CYSTM1: variants seen among roughly 807,000 people sequenced by gnomAD.
The protein encoded by CYSTM1 is cysteine rich transmembrane module containing 1, also known as cysteine-rich transmembrane module-containing protein 1.
A neutral mutation model predicts 13.1 loss-of-function variants in CYSTM1; 4 were observed. The ratio of observed to expected loss-of-function variants is 0.31; its 90% CI spans 0.15 to 0.70. The LOEUF is 0.70. CYSTM1 is among the 30% of genes least tolerant of loss of function. The probability of loss-of-function intolerance (pLI) is 0.72; values close to 1 mark genes in which losing one functional copy is unlikely to be tolerated. For missense variants in CYSTM1, 96 were observed against 121.6 expected (o/e 0.79, Z 0.99); for synonymous variants, 36 against 42.7 (o/e 0.84, Z 0.62).
At chr5:140,214,927 TC>T (rs1324164651) in intron 2 of CYSTM1, among the ~76,000 whole-genome samples, 2 of 152,180 alleles carry the variant, frequency 1.3e-5, no homozygotes, top group African/African-American at 2.4e-5. Context: ...GATATATTCT[TC>T]CCAGTAGTAA....
chr5:140,222,992 A>G (rs1764508997), intron 2 of CYSTM1, among the ~76,000 whole-genome samples: 1 of 152,190 alleles, frequency 6.6e-6, no homozygotes, highest in Non-Finnish European at 1.5e-5. Flanking sequence ...CCTGGCCTGT[A>G]GTCTGCCTTT....
intron 2 of CYSTM1, among the ~76,000 whole-genome samples, chr5:140,233,049 A>G (rs1265801728): frequency 6.6e-6 from 1 of 152,182 alleles, no homozygotes; most frequent in African/African-American, 2.4e-5. Context: ...AGATTTTGCT[A>G]ATATACATCT....
chr5:140,225,826 G>A (rs991308931), intron 2 of CYSTM1, among the ~76,000 whole-genome samples: 2 of 152,074 alleles, frequency 1.3e-5, no homozygotes, highest in Non-Finnish European at 2.9e-5. Flanking sequence ...GCTCTGTTCT[G>A]CTCTTCCTCT....
chr5:140,210,957 G>C (rs951469189), intron 2 of CYSTM1, among the ~76,000 whole-genome samples: 3 of 152,158 alleles, frequency 2.0e-5, no homozygotes, highest in Non-Finnish European at 4.4e-5. Flanking sequence ...GAACTATAAA[G>C]AACTCTCTCC....
chr5:140,210,073 T>C (rs1041249084), intron 2 of CYSTM1, among the ~76,000 whole-genome samples: 1 of 152,198 alleles, frequency 6.6e-6, no homozygotes, highest in Non-Finnish European at 1.5e-5. Context: ...GTAATAATGC[T>C]CATAAAAATT....
rs1467115687 is a variant in CYSTM1, at chr5:140,219,045, G to C, written c.188-24260G>C. On this transcript the variant is annotated intron_variant, in intron 2 of 2. Transcript: ENST00000261811. This position sits in a 1 kb window ranked among gnomAD's most constrained non-coding sequence, Gnocchi z 4.1. ...CTGGCTTCAGTGACAAGCTGGCCAA[G>C]CCTGATAGAGTTCACCATGGAAGGG... 2.0e-5 allele frequency among the ~76,000 whole-genome samples: 3 copies of C among 152,166 alleles called. No individual in the cohort carries two copies. The highest frequency in any genetic ancestry group is 7.2e-5 in the African/African-American group (3 of 41,438).
intron 2 of CYSTM1, chr5:140,200,767 G>C (rs1459087518): frequency 6.6e-6 from 1 of 152,098 alleles, no homozygotes; most frequent in Non-Finnish European, 1.5e-5. Context: ...CACCGTGTTA[G>C]CCAGGATGGT....
chr5:140,196,387 TAAC>T (rs1297548082), intron 2 of CYSTM1, among the ~76,000 whole-genome samples: 9 of 152,234 alleles, frequency 5.9e-5, no homozygotes, highest in Non-Finnish European at 1.0e-4. Flanking sequence ...TCAAAAGTAA[TAAC>T]AGAATTGATG....
chr5:140,205,388 A>G (rs1764287438), intron 2 of CYSTM1, among the ~76,000 whole-genome samples: 1 of 152,170 alleles, frequency 6.6e-6, no homozygotes, highest in Admixed American at 6.5e-5. Flanking sequence ...CTAAGTATGG[A>G]ATTACTGCCT....
chr5:140,188,793 A>AAAG (rs1554131965), intron 1 of CYSTM1, among the ~76,000 whole-genome samples: 1 of 152,012 alleles, frequency 6.6e-6, no homozygotes, highest in East Asian at 1.9e-4. Flanking sequence ...AAAAAAAAAA[A>AAAG]AAAGAAATAC....
intron 1 of CYSTM1, among the ~76,000 whole-genome samples, chr5:140,178,933 GT>G: frequency 6.6e-6 from 1 of 151,880 alleles, no homozygotes; most frequent in South Asian, 2.1e-4. Context: ...GTTTGGCTTT[GT>G]TTTTTCCTGG....
chr5:140,214,188 T>A (rs1023378083), intron 2 of CYSTM1, among the ~76,000 whole-genome samples: 17 of 152,216 alleles, frequency 1.1e-4, no homozygotes, highest in South Asian at 1.0e-3. Flanking sequence ...AATGATGGTC[T>A]CCCTAATGAC....
At chr5:140,242,076 G>A (rs1764756475) in intron 2 of CYSTM1, among the ~76,000 whole-genome samples, 1 of 152,180 alleles carries the variant, frequency 6.6e-6, no homozygotes, top group Non-Finnish European at 1.5e-5. Context: ...TCAGGTACTT[G>A]ACCTTAGGAG....
At chr5:140,237,919 A>C (rs1764701177) in intron 2 of CYSTM1, among the ~76,000 whole-genome samples, 1 of 152,168 alleles carries the variant, frequency 6.6e-6, no homozygotes. Flanking sequence ...GCACTTCTGA[A>C]GACCTACAAG....
intron 2 of CYSTM1, among the ~76,000 whole-genome samples, chr5:140,234,061 CCA>C (rs1441764811): frequency 3.3e-5 from 5 of 152,076 alleles, no homozygotes; most frequent in Non-Finnish European, 7.4e-5. Flanking sequence ...AGATGCTTTT[CCA>C]TGTTTTCTTT....
At chr5:140,180,986 A>G (rs1763954775) in intron 1 of CYSTM1, among the ~76,000 whole-genome samples, 2 of 152,228 alleles carry the variant, frequency 1.3e-5, no homozygotes, top group Admixed American at 1.3e-4. Context: ...CTCAGAAAAC[A>G]TCGTAACTGA....
At chr5:140,232,518 GA>G (rs1764628707) in intron 2 of CYSTM1, among the ~76,000 whole-genome samples, 1 of 152,186 alleles carries the variant, frequency 6.6e-6, no homozygotes, top group African/African-American at 2.4e-5. Flanking sequence ...GATGTATTGG[GA>G]AGAGAGGATT....
At chr5:140,176,297 T>C (rs1763882859) in intron 1 of CYSTM1, among the ~76,000 whole-genome samples, 2 of 152,198 alleles carry the variant, frequency 1.3e-5, no homozygotes. Flanking sequence ...ATGAAATACT[T>C]GTAACCGACA....
At chr5:140,208,377 C>A (rs1319781488) in intron 2 of CYSTM1, among the ~76,000 whole-genome samples, 2 of 152,086 alleles carry the variant, frequency 1.3e-5, no homozygotes, top group Admixed American at 1.3e-4. Flanking sequence ...TTTGTGGGAT[C>A]TAAAAATCAG....
Sources: gnomAD v4.1 joint callset for allele counts (sites outside exome capture counted in the v4.1 genomes callset) on GRCh38, gnomAD v4.1.1 for gene constraint, Gnocchi (gnomAD v3.1) non-coding constraint, MANE v1.5 for transcripts, NCBI Gene and HGNC (gene_info 2026-07-23, HGNC 2026-07-21) for gene names.